KAZN: variants seen among roughly 807,000 people sequenced by gnomAD.
KAZN encodes kazrin, periplakin interacting protein.
KAZN carries 40 observed loss-of-function variants against 87.4 expected under a neutral mutation model. The ratio of observed to expected loss-of-function variants is 0.46; its 90% CI spans 0.36 to 0.60. KAZN has a LOEUF of 0.60. Ranked by LOEUF, KAZN falls within the 20% of genes least tolerant of loss-of-function variation. KAZN has a pLI of 0.00. For missense variants in KAZN, 898 were observed against 1,073.9 expected, an observed-to-expected ratio of 0.84 and a Z score of 2.29; for synonymous variants, 466 against 458.3, an observed-to-expected ratio of 1.02 and a Z score of -0.22.
Position 14,598,770 on chromosome 1 carries a change from TCCGCCTCCTCCCC to T in KAZN, c.-222_-210del. Reference sequence around the variant, plus strand: ...CTCCTTCTCCTCCTCTTTTTTCTCCTCCGCCTCCTCCCCCCGCCGCCTCGCCACCGCCGCGGCT... The same window carrying T: ...CTCCTTCTCCTCCTCTTTTTTCTCCTCCGCCGCCTCGCCACCGCCGCGGCT... On this transcript the variant is annotated 5_prime_UTR_variant, in exon 1 of 15. Transcript: ENST00000376030. This position sits in a 1 kb window ranked among gnomAD's most constrained non-coding sequence, Gnocchi z 4.2. 1 of 1,347,622 alleles carries T rather than the reference TCCGCCTCCTCCCC, an allele frequency of 7.4e-7. No homozygotes were observed. The highest frequency in any genetic ancestry group is 9.5e-7 in the Non-Finnish European group (1 of 1,057,138). The allele number at this position is 1,347,622 out of a possible 1,614,324, so 83.5% of individuals were successfully genotyped here.
intron 1 of KAZN, among the ~76,000 whole-genome samples, chr1:14,607,600 G>A (rs1268770253): frequency 1.3e-5 from 2 of 152,228 alleles, no homozygotes; most frequent in African/African-American, 4.8e-5. Flanking sequence ...TGAAGAATCC[G>A]TAGCCAGCAG....
At chr1:14,798,048 G>T (rs1383347500) in intron 1 of KAZN, among the ~76,000 whole-genome samples, 1 of 152,166 alleles carries the variant, frequency 6.6e-6, no homozygotes, top group Non-Finnish European at 1.5e-5. Context: ...GGCACAGAGA[G>T]GTTAAGAAAA....
intron 2 of KAZN, among the ~76,000 whole-genome samples, chr1:14,533,174 C>T (rs112336300): frequency 4.0e-4 from 61 of 152,274 alleles, no homozygotes; most frequent in African/African-American, 1.4e-3. Context: ...TTCGTAGAAT[C>T]CTTAATAATA....
intron 2 of KAZN, among the ~76,000 whole-genome samples, chr1:14,531,945 G>A (rs1672230743): frequency 6.6e-6 from 1 of 152,148 alleles, no homozygotes; most frequent in South Asian, 2.1e-4. Context: ...TAGGGAAGGT[G>A]CTGGGATGTG....
intron 1 of KAZN, among the ~76,000 whole-genome samples, chr1:14,641,635 C>T (rs1367588027): frequency 6.6e-6 from 1 of 152,214 alleles, no homozygotes; most frequent in East Asian, 1.9e-4. Flanking sequence ...AGTCTACCAA[C>T]CAAAATTTCA....
At chr1:14,026,544 A>G (rs1001839623) in intron 1 of KAZN, among the ~76,000 whole-genome samples, 6 of 152,198 alleles carry the variant, frequency 3.9e-5, no homozygotes, top group Non-Finnish European at 8.8e-5. Flanking sequence ...GTCTAGATAT[A>G]AAGAAGCTTG....
At chr1:15,052,910 T>C (rs1016255311) in intron 4 of KAZN, among the ~76,000 whole-genome samples, 1 of 152,204 alleles carries the variant, frequency 6.6e-6, no homozygotes, top group African/African-American at 2.4e-5. Flanking sequence ...AGACCCCGCC[T>C]GGGAGAAGGA....
rs1467761345 is a variant in KAZN, at chr1:14,814,218, C to T, written c.227-146466C>T. Among the ~76,000 whole-genome samples the T allele has an allele frequency of 2.0e-5, 3 of 150,414 alleles. No individual in the cohort carries two copies. The East Asian group carries it at 5.9e-4, about 30-fold the overall frequency. ...TATGACACATGGTCAAAGACTGGAT[C>T]TTTTTTATTATTATTATTACTTTTT... On this transcript the variant is annotated intron_variant, in intron 1 of 14. Coordinates refer to ENST00000376030, the MANE Select transcript of KAZN (RefSeq NM_201628.3).
intron 2 of KAZN, among the ~76,000 whole-genome samples, chr1:14,537,051 G>A (rs532666022): frequency 4.6e-5 from 7 of 152,298 alleles, no homozygotes; most frequent in South Asian, 2.1e-4. Context: ...CAGCACTAGC[G>A]TGGTGTCTTG....
At position 14,773,737 on chromosome 1, in the gene KAZN, T is replaced by C. The variant is rs1645088752; in HGVS notation, c.226+174514T>C. Among the ~76,000 whole-genome samples the C allele has an allele frequency of 1.3e-5, 2 of 152,180 alleles. No homozygotes were observed. Among genetic ancestry groups the C allele is most frequent in the Admixed American group, 1.3e-4 (2 of 15,282 alleles). Reference sequence around the variant, plus strand: ...GCCTGGCAGTGCTGCTAATGAGGCCTCTGTGGCCTGGGCTTCCGGGGCTGC... The same window carrying C: ...GCCTGGCAGTGCTGCTAATGAGGCCCCTGTGGCCTGGGCTTCCGGGGCTGC... On this transcript the variant is annotated intron_variant, in intron 1 of 14. Transcript: ENST00000376030. The surrounding 1 kb of genome is among the most constrained non-coding windows in gnomAD (Gnocchi z 5.9).
chr1:14,758,127 TC>T, intron 1 of KAZN, among the ~76,000 whole-genome samples: 1 of 31,934 alleles, frequency 3.1e-5, no homozygotes, highest in Admixed American at 2.0e-4. Flanking sequence ...TTGTTTTTTC[TC>T]TCTTTCCTTC....
At chr1:14,802,346 G>A (rs1421518858) in intron 1 of KAZN, among the ~76,000 whole-genome samples, 2 of 151,376 alleles carry the variant, frequency 1.3e-5, no homozygotes, top group Non-Finnish European at 2.9e-5. Context: ...GGAGGTCGCA[G>A]TGAGCTGAGA....
intron 2 of KAZN, among the ~76,000 whole-genome samples, chr1:15,029,442 T>C (rs1671469223): frequency 6.6e-6 from 1 of 152,094 alleles, no homozygotes. Flanking sequence ...CCAGGTTAGA[T>C]GCAGGAGGCA....
chr1:14,658,015 C>T (rs1349042306), intron 1 of KAZN, among the ~76,000 whole-genome samples: 1 of 152,194 alleles, frequency 6.6e-6, no homozygotes, highest in Non-Finnish European at 1.5e-5. Flanking sequence ...GCAGTGCAGG[C>T]ACCTGGCGCT....
intron 1 of KAZN, among the ~76,000 whole-genome samples, chr1:14,817,414 A>T (rs1646600439): frequency 6.6e-6 from 1 of 152,220 alleles, no homozygotes; most frequent in South Asian, 2.1e-4. Context: ...ATCAAGACAT[A>T]GCTCTGTCTT....
rs1214411509 is a variant in KAZN, at chr1:14,736,299, G to GTGTGTA, written c.226+137077_226+137078insGTGTAT. On this transcript the variant is annotated intron_variant, in intron 1 of 14. Transcript: ENST00000376030. ...TGTGTGTGTGTGTGTGTGTGTGTGTGTATATTTTTTTTTTTTGAGACGGAG... is the reference window on the plus strand; with the variant it reads ...TGTGTGTGTGTGTGTGTGTGTGTGTGTGTGTATATATTTTTTTTTTTTGAGACGGAG... Among the ~76,000 whole-genome samples the GTGTGTA allele has an allele frequency of 6.6e-3, 799 of 121,010 alleles. 4 individuals are homozygous for GTGTGTA. Among genetic ancestry groups the GTGTGTA allele is most frequent in the African/African-American group, 0.018 (549 of 29,934 alleles). 79.4% of individuals were successfully genotyped at this position (121,010 alleles called of 152,430 possible).
intron 2 of KAZN, among the ~76,000 whole-genome samples, chr1:14,491,383 A>G (rs1669637881): frequency 6.6e-6 from 1 of 152,156 alleles, no homozygotes; most frequent in Non-Finnish European, 1.5e-5. Context: ...TAGACGTGCC[A>G]TGGTGGTTTG....
At chr1:14,082,065 A>G (rs898904089) in intron 1 of KAZN, among the ~76,000 whole-genome samples, 1 of 152,160 alleles carries the variant, frequency 6.6e-6, no homozygotes, top group Non-Finnish European at 1.5e-5. Flanking sequence ...ATGAGCCACT[A>G]TGCCCAGCCC....
intron 1 of KAZN, among the ~76,000 whole-genome samples, chr1:14,147,431 G>A (rs12758112): frequency 0.21 from 32,073 of 152,086 alleles, 4,155 homozygotes; most frequent in East Asian, 0.6. Context: ...TTTCTCAGCT[G>A]CATTAATACA....
Sources: gnomAD v4.1 joint callset for allele counts (sites outside exome capture counted in the v4.1 genomes callset) on GRCh38, gnomAD v4.1.1 for gene constraint, Gnocchi (gnomAD v3.1) non-coding constraint, MANE v1.5 for transcripts, NCBI Gene and HGNC (gene_info 2026-07-23, HGNC 2026-07-21) for gene names.